The following RHPN2 variants were observed in gnomAD, a reference collection of about 807,000 sequenced individuals.
The protein encoded by RHPN2 is rhophilin Rho GTPase binding protein 2, also known as rhophilin-2.
RHPN2 carries 40 observed loss-of-function variants against 79.0 expected under a neutral mutation model. The ratio of observed to expected loss-of-function variants is 0.51; its 90% CI spans 0.39 to 0.66. RHPN2 has a LOEUF of 0.66. RHPN2 is among the 30% of genes least tolerant of loss of function. RHPN2 has a pLI of 0.00. For missense variants in RHPN2, 686 were observed against 883.5 expected (o/e 0.78, Z 2.83); for synonymous variants, 285 against 363.5 (o/e 0.78, Z 2.46).
chr19:33,040,398 G>A (rs944375079), intron 2 of RHPN2, among the ~76,000 whole-genome samples: 4 of 151,682 alleles, frequency 2.6e-5, no homozygotes, highest in Admixed American at 1.3e-4. Context: ...CACCACACCC[G>A]GCTAATTTTT....
chr19:33,019,793 G>A (rs963626470), intron 4 of RHPN2, among the ~76,000 whole-genome samples: 3 of 151,590 alleles, frequency 2.0e-5, no homozygotes, highest in African/African-American at 7.3e-5. Flanking sequence ...AAAAAAAAAA[G>A]AACGTAAAAT....
At chr19:32,989,147 T>C (rs1214692506) in intron 14 of RHPN2, among the ~76,000 whole-genome samples, 3 of 152,186 alleles carry the variant, frequency 2.0e-5, no homozygotes, top group Non-Finnish European at 4.4e-5. Context: ...TCTCACTCTG[T>C]TGCCCAGGCT....
rs537493028 is a variant in RHPN2, at chr19:33,016,791, A to T, written c.391-4067T>A. 3.7e-4 allele frequency among the ~76,000 whole-genome samples: 56 copies of T among 152,332 alleles called. 1 individual carries two copies. The South Asian group carries it at 0.012, about 32-fold the overall frequency. On this transcript the variant is annotated intron_variant, in intron 4 of 14. Coordinates refer to ENST00000254260, the MANE Select transcript of RHPN2 (RefSeq NM_033103.5). ...TCAGATTTGAAATGGAACTGCCGTA[A>T]TTCAGTCTGCTGAACCACTTCTGCA...
At chr19:33,015,153 G>A (rs376114808) in intron 4 of RHPN2, among the ~76,000 whole-genome samples, 18 of 150,008 alleles carry the variant, frequency 1.2e-4, no homozygotes, top group Admixed American at 6.0e-4. Flanking sequence ...GGCCAGGCAC[G>A]GTGGCTCACA....
chr19:33,018,919 T>C (rs1271045628), intron 4 of RHPN2, among the ~76,000 whole-genome samples: 1 of 150,862 alleles, frequency 6.6e-6, no homozygotes, highest in Admixed American at 6.7e-5. Context: ...TAATCCCACC[T>C]ACTCAGGAGG....
intron 14 of RHPN2, among the ~76,000 whole-genome samples, chr19:32,983,433 A>AC (rs1274441336): frequency 1.1e-4 from 17 of 151,580 alleles, no homozygotes; most frequent in Non-Finnish European, 1.9e-4. Context: ...AATGGCATGA[A>AC]CCAGGAGGTG....
intron 4 of RHPN2, among the ~76,000 whole-genome samples, chr19:33,013,189 A>T (rs965306667): frequency 2.2e-4 from 17 of 78,140 alleles, no homozygotes; most frequent in African/African-American, 6.0e-4. Context: ...GTTTTTTTTT[A>T]AAAAAACAAA....
chr19:33,000,493 G>A (rs1488329597), intron 9 of RHPN2, among the ~76,000 whole-genome samples: 3 of 151,994 alleles, frequency 2.0e-5, no homozygotes, highest in African/African-American at 4.8e-5. Context: ...GATTATAGGC[G>A]TGAGCCACCA....
At chr19:33,028,926 G>T (rs1168256939) in intron 2 of RHPN2, among the ~76,000 whole-genome samples, 2 of 152,002 alleles carry the variant, frequency 1.3e-5, no homozygotes, top group African/African-American at 2.4e-5. Flanking sequence ...ATCACCTGAG[G>T]TCAGGAGTTC....
At chr19:33,060,059 T>C (rs999053047) in intron 1 of RHPN2, among the ~76,000 whole-genome samples, 9 of 152,304 alleles carry the variant, frequency 5.9e-5, no homozygotes, top group African/African-American at 2.2e-4. Context: ...GGATATCCCA[T>C]GAGGGCCATC....
rs1599821441 is a variant in RHPN2 at position 33,021,573 on chromosome 19, T to G, written c.388A>C (p.Lys130Gln). ...TKDVDFAVVL[K>Q]DFILEHYSED... The stretch of plus-strand genomic sequence containing the variant: ...GTGCCCATGGCTTTGAGATTTACCT[T>G]GAGGACGACTGCAAAGTCGACGTCT... The change falls in exon 4 of 15, where the codon AAG (lysine) becomes CAG (glutamine). Residue 130 changes from lysine to glutamine, a missense_variant and splice_region_variant. Transcript: ENST00000254260. 6.2e-7 allele frequency: 1 copy of G among 1,613,322 alleles called. No individual in the cohort carries two copies. Among genetic ancestry groups the G allele is most frequent in the East Asian group, 2.2e-5 (1 of 44,858 alleles).
At chr19:33,048,477 G>T (rs1197679064) in intron 1 of RHPN2, among the ~76,000 whole-genome samples, 1 of 150,878 alleles carries the variant, frequency 6.6e-6, no homozygotes, top group African/African-American at 2.4e-5. Flanking sequence ...TGTAATCCCA[G>T]CACTTTGGGA....
rs533454182 is a variant in RHPN2 at position 33,047,069 on chromosome 19, C to A, written c.70-2705G>T. Among the ~76,000 whole-genome samples, 42 of 152,066 alleles carry A rather than the reference C, an allele frequency of 2.8e-4. 1 individual carries two copies. The South Asian group carries it at 8.3e-3, about 30-fold the overall frequency. On this transcript the variant is annotated intron_variant, in intron 1 of 14. Coordinates refer to ENST00000254260, the MANE Select transcript of RHPN2 (RefSeq NM_033103.5). ...AGACAAGGTTTCACCATTTTTTTGC[C>A]AGGCTGGTCTTGAATTCCTGACCTC...
intron 3 of RHPN2, among the ~76,000 whole-genome samples, chr19:33,025,019 G>A (rs1463584233): frequency 2.0e-5 from 3 of 152,100 alleles, no homozygotes; most frequent in Non-Finnish European, 4.4e-5. Context: ...CTGAAGAGCC[G>A]GGATTACAGG....
chr19:33,011,857 C>A (rs1568315685), intron 5 of RHPN2, 54 bp from the exon 6 acceptor site: 10 of 1,612,848 alleles, frequency 6.2e-6, no homozygotes, highest in African/African-American at 1.3e-5. Flanking sequence ...CAGCTGATGG[C>A]CCTTCCCAGA....
At chr19:33,045,709 A>G (rs1290354682) in intron 1 of RHPN2, among the ~76,000 whole-genome samples, 1 of 152,164 alleles carries the variant, frequency 6.6e-6, no homozygotes, top group Non-Finnish European at 1.5e-5. Context: ...CCTAACCTCA[A>G]GTGATCTGCC....
rs1238227507 is a variant in RHPN2, at chr19:32,996,017, G to A, written c.1420+9C>T. 6.2e-7 allele frequency: 1 copy of A among 1,613,920 alleles called. No individual in the cohort carries two copies. Among genetic ancestry groups the A allele is most frequent in the East Asian group, 2.2e-5 (1 of 44,872 alleles). On this transcript the variant is annotated intron_variant, in intron 11 of 14. Coordinates refer to ENST00000254260, the MANE Select transcript of RHPN2 (RefSeq NM_033103.5). ...CCCCCACAGAGGGAACACAGTCTAG[G>A]CTACTCACCAACAACACTGGGGGCG...
intron 10 of RHPN2, among the ~76,000 whole-genome samples, chr19:32,998,811 G>T: frequency 1.4e-5 from 2 of 140,464 alleles, no homozygotes; most frequent in Non-Finnish European, 3.1e-5. Context: ...GAGGGGAGGA[G>T]GGGAGAGGGG....
rs1455929953 is a variant in RHPN2 at position 32,978,757 on chromosome 19, T to C, written c.*1239A>G. On this transcript the variant is annotated 3_prime_UTR_variant, in exon 15 of 15. Transcript: ENST00000254260. ...TTCAATGCTATGTATTTTAGCTATG[T>C]AACTTGTACTGTGTCAACAGTGAAC... is the stretch of plus-strand genomic sequence containing the variant. 6.6e-6 allele frequency: 1 copy of C among 152,656 alleles called. No homozygotes were observed. The highest frequency in any genetic ancestry group is 2.4e-5 in the African/African-American group (1 of 41,470). 9.5% of individuals were successfully genotyped at this position (152,656 alleles called of 1,614,324 possible). A position where few individuals can be genotyped will look rare whatever the true frequency, so the allele number is the denominator to read the frequency against.
Sources: allele counts gnomAD v4.1 joint callset (sites outside exome capture counted in the v4.1 genomes callset), GRCh38; gene constraint gnomAD v4.1.1; transcripts MANE v1.5; gene names NCBI Gene and HGNC (gene_info 2026-07-23, HGNC 2026-07-21).